DIPK1A: variants seen among roughly 807,000 people sequenced by gnomAD.
DIPK1A encodes divergent protein kinase domain 1A.
In DIPK1A, 27 loss-of-function variants were observed where a neutral mutation model predicts 40.8. The observed-to-expected ratio is 0.66, with a 90% CI of 0.49 to 0.91. The LOEUF (loss-of-function observed/expected upper bound fraction) is 0.91. Among genes scored for constraint, DIPK1A ranks in the 40% least tolerant of loss-of-function variants. DIPK1A has a pLI of 0.00. For missense variants in DIPK1A, 412 were observed against 505.7 expected (o/e 0.81, Z 1.78); for synonymous variants, 166 against 171.3 (o/e 0.97, Z 0.24).
In DIPK1A at chr1:92,842,603, C is replaced by A. The variant is rs1295667145; in HGVS notation, c.*780G>T. The A allele has an allele frequency of 4.3e-6, 4 of 927,398 alleles. No individual in the cohort carries two copies. In the East Asian group the frequency reaches 9.6e-4, roughly 221 times the overall value. 57.4% of individuals were successfully genotyped at this position (927,398 alleles called of 1,614,324 possible). A position where few individuals can be genotyped will look rare whatever the true frequency, so the allele number is the denominator to read the frequency against. ...AAAGTCTGCTATAATTTATTTTAGT[C>A]TTGCACTTACAGTCCCACTTTCACA... On this transcript the variant is annotated 3_prime_UTR_variant, in exon 5 of 5. Coordinates refer to ENST00000370310, the MANE Select transcript of DIPK1A (RefSeq NM_001006605.5).
chr1:92,922,207 T>C (rs1180475887), intron 1 of DIPK1A, among the ~76,000 whole-genome samples: 1 of 131,910 alleles, frequency 7.6e-6, no homozygotes, highest in African/African-American at 2.9e-5. Flanking sequence ...CCTTTATCTA[T>C]AGTTTTATTG....
At chr1:92,928,916 C>T (rs1029043020) in intron 1 of DIPK1A, among the ~76,000 whole-genome samples, 5 of 151,844 alleles carry the variant, frequency 3.3e-5, no homozygotes, top group South Asian at 2.1e-4. Context: ...GAGCCAAAAC[C>T]GCACCACTGA....
At chr1:92,948,615 ATATT>A (rs1233283769) in intron 1 of DIPK1A, among the ~76,000 whole-genome samples, 1 of 92,038 alleles carries the variant, frequency 1.1e-5, no homozygotes, top group Non-Finnish European at 2.5e-5. Flanking sequence ...TCATATATAT[ATATT>A]TATTTTATAT....
intron 4 of DIPK1A, among the ~76,000 whole-genome samples, chr1:92,834,474 ATAGT>A (rs968938648): frequency 7.9e-5 from 12 of 152,276 alleles, no homozygotes; most frequent in African/African-American, 2.6e-4. Flanking sequence ...TCCTGGGCAA[ATAGT>A]TTGTTGATTG....
intron 1 of DIPK1A, among the ~76,000 whole-genome samples, chr1:92,900,882 T>A (rs1418750470): frequency 7.0e-6 from 1 of 143,076 alleles, no homozygotes. Flanking sequence ...CTTTTTCATG[T>A]TTTTTTTTTT....
rs1553123763 is a variant in DIPK1A, at chr1:92,846,815, A to ATATGTGTGTG, written c.474+367_474+368insCACACACATA. On this transcript the variant is annotated intron_variant, in intron 4 of 4. Coordinates refer to ENST00000370310, the MANE Select transcript of DIPK1A (RefSeq NM_001006605.5). ...GGCATATATATATATATATATATAT[A>ATATGTGTGTG]TATATATATATATATATATATATAT... 4.4e-3 allele frequency among the ~76,000 whole-genome samples: 20 copies of ATATGTGTGTG among 4,586 alleles called. 1 individual carries two copies. The highest frequency in any genetic ancestry group is 0.016 in the South Asian group (1 of 64). The allele number at this position is 4,586 out of a possible 152,430, so 3.0% of individuals were successfully genotyped here.
chr1:92,941,996 A>C (rs1252795536), intron 1 of DIPK1A, among the ~76,000 whole-genome samples: 1 of 152,076 alleles, frequency 6.6e-6, no homozygotes, highest in Non-Finnish European at 1.5e-5. Context: ...TCTCAAAAAA[A>C]AAAAAAAGCC....
chr1:92,873,381 G>A (rs910359000), intron 2 of DIPK1A, among the ~76,000 whole-genome samples: 2 of 152,084 alleles, frequency 1.3e-5, no homozygotes, highest in East Asian at 1.9e-4. Flanking sequence ...TTGGGAGGCC[G>A]AGGCAGGTGG....
At chr1:92,888,184 C>T (rs1417705290) in intron 1 of DIPK1A, among the ~76,000 whole-genome samples, 1 of 151,826 alleles carries the variant, frequency 6.6e-6, no homozygotes, top group Non-Finnish European at 1.5e-5. Flanking sequence ...TGGTTATTGC[C>T]CTCCTCCCCT....
In DIPK1A at chr1:92,842,803, T is replaced by G; in HGVS notation, c.*580A>C. On this transcript the variant is annotated 3_prime_UTR_variant, in exon 5 of 5. Coordinates refer to ENST00000370310, the MANE Select transcript of DIPK1A (RefSeq NM_001006605.5). ...TATAAGATTTCTTGAAGTAAGCCAC[T>G]TGAACCATTGTGAAGCTACACATAA... 1.0e-6 allele frequency: 1 copy of G among 985,450 alleles called. No individual in the cohort carries two copies. The highest frequency in any genetic ancestry group is 1.2e-6 in the Non-Finnish European group (1 of 829,950). The allele number at this position is 985,450 out of a possible 1,614,324, so 61.0% of individuals were successfully genotyped here. A position where few individuals can be genotyped will look rare whatever the true frequency, so the allele number is the denominator to read the frequency against.
intron 1 of DIPK1A, among the ~76,000 whole-genome samples, chr1:92,923,698 T>C (rs958242033): frequency 6.6e-6 from 1 of 152,186 alleles, no homozygotes; most frequent in African/African-American, 2.4e-5. Flanking sequence ...GAACCACCAC[T>C]GGCCCCATTC....
intron 1 of DIPK1A, among the ~76,000 whole-genome samples, chr1:92,905,813 A>T (rs1649597979): frequency 6.6e-6 from 1 of 152,132 alleles, no homozygotes; most frequent in African/African-American, 2.4e-5. Flanking sequence ...GTTGAGAGAT[A>T]GGGGTCTAGT....
chr1:92,857,494 G>T (rs1388755954), intron 2 of DIPK1A, among the ~76,000 whole-genome samples: 1 of 151,894 alleles, frequency 6.6e-6, no homozygotes, highest in Non-Finnish European at 1.5e-5. Flanking sequence ...GCTAATTTTT[G>T]TATTTTTAGT....
At chr1:92,833,817 G>A in intron 4 of DIPK1A, 1 of 638,462 alleles carries the variant, frequency 1.6e-6, no homozygotes, top group Non-Finnish European at 2.7e-6. Context: ...TTGGAACCTG[G>A]GAACTTGGTA....
At chr1:92,893,331 G>C (rs1317331895) in intron 1 of DIPK1A, among the ~76,000 whole-genome samples, 2 of 151,822 alleles carry the variant, frequency 1.3e-5, no homozygotes, top group Non-Finnish European at 2.9e-5. Context: ...AGCCAGAAGA[G>C]AGTGGGGGCC....
At chr1:92,918,557 T>C (rs1238610399) in intron 1 of DIPK1A, among the ~76,000 whole-genome samples, 3 of 152,186 alleles carry the variant, frequency 2.0e-5, no homozygotes, top group African/African-American at 7.2e-5. Flanking sequence ...ATGGAACTTG[T>C]TTTTCTTAAG....
chr1:92,934,309 T>C (rs1381379628), intron 1 of DIPK1A, among the ~76,000 whole-genome samples: 1 of 152,232 alleles, frequency 6.6e-6, no homozygotes, highest in Non-Finnish European at 1.5e-5. Flanking sequence ...GAGATCTTTA[T>C]AAATGAATTT....
chr1:92,833,134 A>G (rs1341842313), intron 4 of DIPK1A: 1 of 672,394 alleles, frequency 1.5e-6, no homozygotes, highest in African/African-American at 1.8e-5. Flanking sequence ...TGGGGCCTGC[A>G]TTTTGTATGT....
At chr1:92,928,397 C>CTAA (rs1159653186) in intron 1 of DIPK1A, among the ~76,000 whole-genome samples, 2 of 152,200 alleles carry the variant, frequency 1.3e-5, no homozygotes, top group Non-Finnish European at 2.9e-5. Flanking sequence ...TCTTTAACCA[C>CTAA]TAATATGTCT....
Sources: allele counts gnomAD v4.1 joint callset (sites outside exome capture counted in the v4.1 genomes callset), GRCh38; gene constraint gnomAD v4.1.1; transcripts MANE v1.5; gene names NCBI Gene and HGNC (gene_info 2026-07-23, HGNC 2026-07-21).